Variants in USP10 observed in about 807,000 individuals in gnomAD.
USP10 encodes the protein ubiquitin carboxyl-terminal hydrolase 10.
A neutral mutation model predicts 84.5 loss-of-function variants in USP10; 22 were observed. That is an observed-to-expected ratio of 0.26 (90% CI 0.19 to 0.37). USP10 has a LOEUF of 0.37. Ranked by LOEUF, USP10 falls within the 10% of genes least tolerant of loss-of-function variation. The pLI is 1.00. For synonymous variants in USP10, 454 were observed against 387.6 expected, an observed-to-expected ratio of 1.17 and a Z score of -2.01; for missense variants, 1,019 against 998.9, an observed-to-expected ratio of 1.02 and a Z score of -0.27.
intron 1 of USP10, among the ~76,000 whole-genome samples, chr16:84,714,916 T>G (rs1383924984): frequency 1.4e-5 from 2 of 147,074 alleles, no homozygotes; most frequent in African/African-American, 2.5e-5. Context: ...AAGTTCTGAT[T>G]ATTATTATTA....
chr16:84,759,797 G>C, intron 6 of USP10, 94 bp from the exon 7 acceptor site: 2 of 1,270,458 alleles, frequency 1.6e-6, no homozygotes, highest in South Asian at 1.2e-5. Flanking sequence ...TACTATACTC[G>C]TATAGCTGAT....
At chr16:84,738,378 C>T (rs1453368759) in intron 2 of USP10, among the ~76,000 whole-genome samples, 1 of 152,174 alleles carries the variant, frequency 6.6e-6, no homozygotes, top group South Asian at 2.1e-4. Flanking sequence ...CAGGGGGCAT[C>T]CTAGTGTCAT....
intron 1 of USP10, among the ~76,000 whole-genome samples, chr16:84,713,498 C>T (rs976017040): frequency 2.6e-5 from 4 of 152,156 alleles, no homozygotes; most frequent in Non-Finnish European, 5.9e-5. Context: ...TTCACTCTCT[C>T]GTCCTCCCCC....
In USP10 at chr16:84,763,080, G is replaced by C. The variant is rs747337189; in HGVS notation, c.1646G>C (p.Ser549Thr). ...AACCTAAAGAAGCTTCTCTCACCAAGTAATGAAAGTAGGTTATGGTCCACT... is the reference window on the plus strand; with the variant it reads ...AACCTAAAGAAGCTTCTCTCACCAACTAATGAAAGTAGGTTATGGTCCACT... ...MLNLKKLLSP[S>T]NEKLTISNGP... The change falls in exon 9 of 14, where the codon AGT becomes ACT. Residue 549 changes from serine (S) to threonine (T), a missense_variant. By Grantham distance (58) the Ser-to-Thr change is moderately conservative. Coordinates refer to ENST00000219473, the MANE Select transcript of USP10 (RefSeq NM_005153.3). The C allele has an allele frequency of 1.7e-5, 28 of 1,608,782 alleles. No homozygotes were observed. The highest frequency in any genetic ancestry group is 4.0e-5 in the African/African-American group (3 of 74,852).
At chr16:84,774,108 A>G (rs1914728447) in intron 12 of USP10, among the ~76,000 whole-genome samples, 3 of 151,994 alleles carry the variant, frequency 2.0e-5, no homozygotes, top group Admixed American at 6.6e-5. Context: ...AAATTAGCCT[A>G]GCATGGTGGT....
At chr16:84,770,212 T>C (rs1439529744) in intron 11 of USP10, among the ~76,000 whole-genome samples, 1 of 152,172 alleles carries the variant, frequency 6.6e-6, no homozygotes, top group Non-Finnish European at 1.5e-5. Flanking sequence ...TGTGGTGGTG[T>C]GTTACCAGAT....
chr16:84,759,176 A>T (rs117346875), intron 5 of USP10, 187 bp from the exon 6 acceptor site: 2 of 624,822 alleles, frequency 3.2e-6, no homozygotes, highest in Non-Finnish European at 5.7e-6. Flanking sequence ...GTAGATCCTT[A>T]TATGGACATC....
intron 1 of USP10, among the ~76,000 whole-genome samples, chr16:84,712,529 T>G (rs1053085871): frequency 1.3e-5 from 2 of 152,250 alleles, no homozygotes; most frequent in South Asian, 2.1e-4. Flanking sequence ...TGTCATTCAC[T>G]GTTTTCAGGA....
At chr16:84,721,768 G>C (rs1419580261) in intron 1 of USP10, among the ~76,000 whole-genome samples, 1 of 152,226 alleles carries the variant, frequency 6.6e-6, no homozygotes, top group East Asian at 1.9e-4. Flanking sequence ...CGCGATCACA[G>C]CTCACTGCAA....
In USP10 at chr16:84,704,350, A is replaced by G. The variant is rs1260739950; in HGVS notation, c.21+4239A>G. On this transcript the variant is annotated intron_variant, in intron 1 of 13. Coordinates refer to ENST00000219473, the MANE Select transcript of USP10 (RefSeq NM_005153.3). ...TTTGTAATTAGGCTGTTACTTTTCT[A>G]TTTACTGCCACACATGCAAGAATCA... Among the ~76,000 whole-genome samples, 9 of 152,234 alleles carry G rather than the reference A, an allele frequency of 5.9e-5. 1 individual carries two copies. The highest frequency in any genetic ancestry group is 8.8e-5 in the Non-Finnish European group (6 of 68,042).
rs1194078664 is a variant in USP10, at chr16:84,735,224, TGTGTGTGTGTGTG to T, written c.90+1732_90+1744del. ...GTGTGTGTGTGTGTGTGTGTGTGTG[TGTGTGTGTGTGTG>T]GTGTGTGTGTTTTTAAGTAAGGGGA... is the stretch of plus-strand genomic sequence containing the variant. On this transcript the variant is annotated intron_variant, in intron 2 of 13. Transcript: ENST00000219473. 2.9e-4 allele frequency among the ~76,000 whole-genome samples: 43 copies of T among 150,802 alleles called. 1 individual carries two copies. Among genetic ancestry groups the T allele is most frequent in the South Asian group, 2.1e-4 (1 of 4,768 alleles).
At chr16:84,757,819 C>G (rs1239454438) in intron 4 of USP10, among the ~76,000 whole-genome samples, 1 of 152,080 alleles carries the variant, frequency 6.6e-6, no homozygotes, top group African/African-American at 2.4e-5. Context: ...CTTTGGGAGC[C>G]TCATTTTCCT....
Position 84,740,365 on chromosome 16 carries a change from T to G in USP10, c.147T>G (p.Pro49=). ...GCACACAGGCTGTGGATAAACTACC[T>G]GATGGTAAGCTAGTTCTCTCCTTAT... The part of the protein sequence containing the change: ...LCGTQAVDKL[P]DGQEYQRIEF... The change falls in exon 3 of 14, where the codon CCT becomes CCG. Residue 49 remains proline (P), a synonymous_variant. Coordinates refer to ENST00000219473, the MANE Select transcript of USP10 (RefSeq NM_005153.3). 1 of 1,612,732 alleles carries G rather than the reference T, an allele frequency of 6.2e-7. No individual in the cohort carries two copies. The highest frequency in any genetic ancestry group is 1.1e-5 in the South Asian group (1 of 90,958).
intron 10 of USP10, among the ~76,000 whole-genome samples, chr16:84,765,356 C>T (rs57432502): frequency 0.018 from 2,759 of 152,274 alleles, 82 homozygotes; most frequent in African/African-American, 0.063. Context: ...TCCGATGTTC[C>T]ACATCAGATC....
rs1363091467 is a variant in USP10 at position 84,744,807 on chromosome 16, G to T, written c.326G>T (p.Ser109Ile). 1 of 1,613,710 alleles carries T rather than the reference G, an allele frequency of 6.2e-7. No individual in the cohort carries two copies. The highest frequency in any genetic ancestry group is 1.3e-5 in the African/African-American group (1 of 74,996). Residue 109 changes from serine to isoleucine, a missense_variant, in exon 4 of 14, where the codon AGC (serine) becomes ATC (isoleucine). Ser to Ile is a moderately radical substitution (Grantham distance 142, BLOSUM62 -2). Coordinates refer to ENST00000219473, the MANE Select transcript of USP10 (RefSeq NM_005153.3). ...ITPDGITKEA[S>I]YGSIDCQYPG... is the part of the protein sequence containing the mutation. ...CCTGATGGTATCACTAAAGAAGCAAGCTATGGCTCCATCGACTGCCAGTAC... is the reference window on the plus strand; with the variant it reads ...CCTGATGGTATCACTAAAGAAGCAATCTATGGCTCCATCGACTGCCAGTAC...
chr16:84,764,939 AAT>A (rs1555548056), intron 10 of USP10, among the ~76,000 whole-genome samples: 3 of 132,262 alleles, frequency 2.3e-5, no homozygotes, highest in Non-Finnish European at 3.2e-5. Flanking sequence ...GAGAAAAAAA[AAT>A]ATATATATAT....
At chr16:84,725,843 C>T (rs938890235) in intron 1 of USP10, among the ~76,000 whole-genome samples, 11 of 152,188 alleles carry the variant, frequency 7.2e-5, no homozygotes, top group Non-Finnish European at 1.3e-4. Context: ...TTAATCATGC[C>T]AAACAGTCTA....
At chr16:84,732,914 G>C (rs1909428091) in intron 1 of USP10, 2 of 368,098 alleles carry the variant, frequency 5.4e-6, no homozygotes, top group South Asian at 4.2e-5. Context: ...ATGTGTATCT[G>C]TGTATCCTAT....
chr16:84,765,109 G>T (rs1011969522), intron 10 of USP10, among the ~76,000 whole-genome samples: 20 of 151,196 alleles, frequency 1.3e-4, no homozygotes, highest in African/African-American at 4.8e-4. Context: ...CATGTGTTTT[G>T]GTAAGAGAAG....
Sources: gnomAD v4.1 joint callset for allele counts (sites outside exome capture counted in the v4.1 genomes callset) on GRCh38, gnomAD v4.1.1 for gene constraint, MANE v1.5 for transcripts, NCBI Gene and HGNC (gene_info 2026-07-23, HGNC 2026-07-21) for gene names.